The following RALGPS1 variants were observed in gnomAD, a reference collection of about 807,000 sequenced individuals.
RALGPS1 encodes Ral GEF with PH domain and SH3 binding motif 1.
A neutral mutation model predicts 78.8 loss-of-function variants in RALGPS1; 19 were observed. The ratio of observed to expected loss-of-function variants is 0.24; its 90% CI spans 0.17 to 0.35. The LOEUF is 0.35. RALGPS1 is among the 10% of genes least tolerant of loss of function. The pLI is 1.00. For missense variants in RALGPS1, 454 were observed against 688.3 expected (o/e 0.66, Z 3.81); for synonymous variants, 228 against 256.3 (o/e 0.89, Z 1.06).
At chr9:127,130,716 G>T (rs1021538503) in intron 8 of RALGPS1, among the ~76,000 whole-genome samples, 1 of 152,188 alleles carries the variant, frequency 6.6e-6, no homozygotes, top group African/African-American at 2.4e-5. Flanking sequence ...TATGAGCTAC[G>T]GTAGATTCTT....
intron 14 of RALGPS1, among the ~76,000 whole-genome samples, chr9:127,209,685 C>A (rs891425772): frequency 2.6e-5 from 4 of 152,180 alleles, no homozygotes; most frequent in African/African-American, 9.7e-5. Flanking sequence ...AATTGGGCCC[C>A]TGGACAGTGG....
At chr9:127,121,428 T>G (rs1012589922) in intron 8 of RALGPS1, among the ~76,000 whole-genome samples, 2 of 152,188 alleles carry the variant, frequency 1.3e-5, no homozygotes, top group African/African-American at 4.8e-5. Flanking sequence ...GCATTCTCAA[T>G]TTTCCCCAGA....
intron 8 of RALGPS1, among the ~76,000 whole-genome samples, chr9:127,159,773 T>G (rs2058917458): frequency 6.6e-6 from 1 of 152,200 alleles, no homozygotes; most frequent in Admixed American, 6.5e-5. Flanking sequence ...CTTTGTTATT[T>G]CATTTGGAAT....
At chr9:127,139,887 G>A (rs537816111) in intron 8 of RALGPS1, among the ~76,000 whole-genome samples, 44 of 152,286 alleles carry the variant, frequency 2.9e-4, no homozygotes, top group African/African-American at 9.4e-4. Context: ...TTGATGTGCC[G>A]TAGTTTTTCT....
intron 3 of RALGPS1, among the ~76,000 whole-genome samples, chr9:126,975,654 C>T (rs768050665): frequency 6.6e-6 from 1 of 152,170 alleles, no homozygotes; most frequent in Non-Finnish European, 1.5e-5. Context: ...GAAGAAATGC[C>T]AGTCTGTTTG....
At chr9:127,007,958 G>A (rs943803) in intron 4 of RALGPS1, among the ~76,000 whole-genome samples, 58,234 of 152,004 alleles carry the variant, frequency 0.38, 12,927 homozygotes, top group Non-Finnish European at 0.48. Flanking sequence ...TGTGGTCTAG[G>A]TGAAAGACGA....
At chr9:127,108,519 GA>G in intron 8 of RALGPS1, 1 of 1,613,052 alleles carries the variant, frequency 6.2e-7, no homozygotes, top group Non-Finnish European at 8.5e-7. Context: ...CCTTGGAGTT[GA>G]CGCAGATGGC....
At chr9:127,071,182 T>C (rs1423938808) in intron 8 of RALGPS1, among the ~76,000 whole-genome samples, 4 of 151,988 alleles carry the variant, frequency 2.6e-5, no homozygotes, top group African/African-American at 9.7e-5. Flanking sequence ...TCATACTTTG[T>C]ATTTTTTGTT....
chr9:126,922,771 A>G (rs2034897103), intron 1 of RALGPS1, among the ~76,000 whole-genome samples: 1 of 152,218 alleles, frequency 6.6e-6, no homozygotes, highest in East Asian at 1.9e-4. Context: ...GTGAGAGTCC[A>G]CATTTGTTCT....
chr9:126,941,109 CAGTG>C (rs2036736095), intron 1 of RALGPS1, among the ~76,000 whole-genome samples: 1 of 146,692 alleles, frequency 6.8e-6, no homozygotes, highest in South Asian at 2.3e-4. Context: ...GTCATTTTCT[CAGTG>C]AGGACTTCTC....
chr9:126,945,531 A>G (rs149191080), intron 1 of RALGPS1, among the ~76,000 whole-genome samples: 1 of 152,262 alleles, frequency 6.6e-6, no homozygotes, highest in East Asian at 1.9e-4. Context: ...GCCCTCTGCT[A>G]ACTCTTTCAG....
rs567326458 is a variant in RALGPS1, at chr9:127,044,974, T to G, written c.301-5069T>G. On this transcript the variant is annotated intron_variant, in intron 5 of 18. Transcript: ENST00000259351. ...ATTATACTTCTACATTTATATTTCC[T>G]TTTTTGACATTCTGGAAAAGGTAAA... Among the ~76,000 whole-genome samples, 7 of 152,332 alleles carry G rather than the reference T, an allele frequency of 4.6e-5. No individual in the cohort carries two copies. In the East Asian group the frequency reaches 1.2e-3, roughly 25 times the overall value.
intron 1 of RALGPS1, among the ~76,000 whole-genome samples, chr9:126,952,650 A>AGTGTGTGTGTGTGT (rs1486310137): frequency 1.3e-3 from 91 of 71,036 alleles, no homozygotes; most frequent in South Asian, 6.7e-3. Flanking sequence ...AGAGAGAGAG[A>AGTGTGTGTGTGTGT]GAGAGAGTGT....
rs1554868027 is a variant in RALGPS1 at position 127,191,700 on chromosome 9, G to GCT, written c.911-3391_911-3390insCT. Among the ~76,000 whole-genome samples, 22 of 125,524 alleles carry GCT rather than the reference G, an allele frequency of 1.8e-4. 1 individual carries two copies. The highest frequency in any genetic ancestry group is 5.9e-4 in the African/African-American group (20 of 33,830). The allele number at this position is 125,524 out of a possible 152,430, so 82.3% of individuals were successfully genotyped here. A position where few individuals can be genotyped will look rare whatever the true frequency, so the allele number is the denominator to read the frequency against. On this transcript the variant is annotated intron_variant, in intron 11 of 18. Transcript: ENST00000259351. ...GTTTTTGTTTTTTGGGTTTTTTTTT[G>GCT]TTTTTTTTTTTTTTTGAGATGGAGT...
rs140090440 is a variant in RALGPS1 at position 126,916,502 on chromosome 9, C to T, written c.-66+1527C>T. On this transcript the variant is annotated intron_variant, in intron 1 of 18. Coordinates refer to ENST00000259351, the MANE Select transcript of RALGPS1 (RefSeq NM_014636.3). Reference sequence around the variant, plus strand: ...CGATTTTACCACATTCCAAGAGGGTCGGGCGCGGTGGCTCACGCTTGTAAT... The same window carrying T: ...CGATTTTACCACATTCCAAGAGGGTTGGGCGCGGTGGCTCACGCTTGTAAT... 1.9e-4 allele frequency among the ~76,000 whole-genome samples: 29 copies of T among 152,246 alleles called. No individual in the cohort carries two copies. In the East Asian group the frequency reaches 5.0e-3, roughly 26 times the overall value.
intron 1 of RALGPS1, among the ~76,000 whole-genome samples, chr9:126,948,677 G>A (rs2037509396): frequency 6.6e-6 from 1 of 152,250 alleles, no homozygotes; most frequent in South Asian, 2.1e-4. Context: ...GGACATGGGG[G>A]CGCTTGAGAA....
chr9:127,173,531 A>T (rs1285510010), intron 10 of RALGPS1, among the ~76,000 whole-genome samples: 1 of 151,906 alleles, frequency 6.6e-6, no homozygotes, highest in Non-Finnish European at 1.5e-5. Flanking sequence ...AAGCTTTTAT[A>T]ATTTTTTGTT....
chr9:127,179,511 G>T (rs1012518418), intron 11 of RALGPS1, among the ~76,000 whole-genome samples: 84 of 152,322 alleles, frequency 5.5e-4, no homozygotes, highest in African/African-American at 2.0e-3. Context: ...TCAGGAGGGG[G>T]TTTAGGCTTC....
chr9:127,200,840 A>G (rs933494584), intron 14 of RALGPS1, among the ~76,000 whole-genome samples: 2 of 152,264 alleles, frequency 1.3e-5, no homozygotes, highest in African/African-American at 2.4e-5. Context: ...CCTCAGGCCA[A>G]TGAGAAGACA....
Sources: allele counts gnomAD v4.1 joint callset (sites outside exome capture counted in the v4.1 genomes callset), GRCh38; gene constraint gnomAD v4.1.1; transcripts MANE v1.5; gene names NCBI Gene and HGNC (gene_info 2026-07-23, HGNC 2026-07-21).